TNNI3K: variants seen among roughly 807,000 people sequenced by gnomAD.
The protein encoded by TNNI3K is TNNI3 interacting kinase.
TNNI3K carries 140 observed loss-of-function variants against 114.5 expected under a neutral mutation model. The ratio of observed to expected loss-of-function variants is 1.22; its 90% CI spans 1.07 to 1.41. The LOEUF is 1.41. Ranked by LOEUF, TNNI3K falls within the 40% of genes most tolerant of loss-of-function variation. The pLI, the probability that TNNI3K is intolerant of heterozygous loss-of-function variation, is 0.00. For missense variants in TNNI3K, 1,125 were observed against 1,007.6 expected, an observed-to-expected ratio of 1.12 and a Z score of -1.58; for synonymous variants, 347 against 347.5, an observed-to-expected ratio of 1.00 and a Z score of 0.02.
chr1:74,544,308 A>G lies in TNNI3K; in HGVS notation c.*326A>G. 4.3e-6 allele frequency: 1 copy of G among 231,912 alleles called. No homozygotes were observed. Among genetic ancestry groups the G allele is most frequent in the Non-Finnish European group, 8.2e-6 (1 of 121,662 alleles). The allele number at this position is 231,912 out of a possible 1,614,324, so 14.4% of individuals were successfully genotyped here. ...TAATTATGTTTTCCTGGGCTGAATT[A>G]TGTAGACTTGTGTTTGACAGCTATG... On this transcript the variant is annotated 3_prime_UTR_variant, in exon 25 of 25. Coordinates refer to ENST00000326637, the MANE Select transcript of TNNI3K (RefSeq NM_015978.3).
chr1:74,516,957 A>T (rs1386864669), intron 23 of TNNI3K, among the ~76,000 whole-genome samples: 2 of 152,194 alleles, frequency 1.3e-5, no homozygotes, highest in African/African-American at 4.8e-5. Flanking sequence ...GAAGTCTAAA[A>T]GAAATATTTA....
At chr1:74,368,965 C>A in intron 13 of TNNI3K, 57 bp from the exon 14 acceptor site, 4 of 1,345,476 alleles carry the variant, frequency 3.0e-6, no homozygotes, top group Non-Finnish European at 3.1e-6. Flanking sequence ...CACATGTATA[C>A]ACATCCATGT....
chr1:74,539,164 G>T lies in TNNI3K; in HGVS notation c.2352-1070G>T, dbSNP rs115737883. ...GGCTGGAGAGAGATGGATAGTTTAG[G>T]ATTATATTTTGGAGGCAGAGCTAAA... is the stretch of plus-strand genomic sequence containing the variant. On this transcript the variant is annotated intron_variant, in intron 23 of 24. Transcript: ENST00000326637. Among the ~76,000 whole-genome samples the T allele has an allele frequency of 7.6e-3, 1,155 of 152,252 alleles. 17 individuals are homozygous for T. Among genetic ancestry groups the T allele is most frequent in the African/African-American group, 0.027 (1,121 of 41,548 alleles).
intron 20 of TNNI3K, among the ~76,000 whole-genome samples, chr1:74,452,151 ACT>A (rs1667054538): frequency 6.6e-6 from 1 of 152,032 alleles, no homozygotes; most frequent in Non-Finnish European, 1.5e-5. Flanking sequence ...CACTTTCTGC[ACT>A]CTCAGTATGT....
chr1:74,385,965 G>A (rs184344091), intron 17 of TNNI3K, among the ~76,000 whole-genome samples: 18 of 152,316 alleles, frequency 1.2e-4, no homozygotes, highest in East Asian at 7.7e-4. Flanking sequence ...CCCATGTGTC[G>A]TGGGAGGGAC....
intron 17 of TNNI3K, among the ~76,000 whole-genome samples, chr1:74,428,508 G>T (rs1665740744): frequency 6.6e-6 from 1 of 152,110 alleles, no homozygotes; most frequent in Non-Finnish European, 1.5e-5. Context: ...AAGGAGGGGA[G>T]TGCCCTGATA....
chr1:74,446,244 A>G (rs1666667463), intron 20 of TNNI3K, among the ~76,000 whole-genome samples: 1 of 151,472 alleles, frequency 6.6e-6, no homozygotes, highest in Non-Finnish European at 1.5e-5. Flanking sequence ...AACTGGTGTG[A>G]GATGGTATCT....
chr1:74,343,138 T>C lies in TNNI3K; in HGVS notation c.891T>C (p.Ser297=), dbSNP rs759201029. ...KEIIQISGTE[S]LTKENIFSET... is the part of the protein sequence containing the mutation. ...TCATCCAAATATCAGGAACAGAAAG[T>C]CTGACTAAGGAAAACATCTTCAGTG... is the stretch of plus-strand genomic sequence containing the variant. Residue 297 remains serine (S), a synonymous_variant, in exon 9 of 25, where the codon AGT becomes AGC. Coordinates refer to ENST00000326637, the MANE Select transcript of TNNI3K (RefSeq NM_015978.3). 2 of 1,613,340 alleles carry C rather than the reference T, an allele frequency of 1.2e-6. No homozygotes were observed. Among genetic ancestry groups the C allele is most frequent in the African/African-American group, 1.3e-5 (1 of 75,000 alleles).
intron 4 of TNNI3K, among the ~76,000 whole-genome samples, chr1:74,267,206 A>T (rs759077177): frequency 1.1e-4 from 17 of 152,000 alleles, no homozygotes; most frequent in Non-Finnish European, 2.4e-4. Context: ...ATGAGATCAA[A>T]CTTAGAGTAT....
At chr1:74,483,187 A>C in intron 21 of TNNI3K, 1 of 698,956 alleles carries the variant, frequency 1.4e-6, no homozygotes, top group Non-Finnish European at 2.7e-6. Context: ...GAGAACAGTC[A>C]GTACAATGAA....
intron 23 of TNNI3K, among the ~76,000 whole-genome samples, 177 bp from the exon 24 acceptor site, chr1:74,540,057 A>G (rs1276892870): frequency 2.0e-5 from 3 of 152,302 alleles, no homozygotes; most frequent in East Asian, 3.9e-4. Flanking sequence ...ACACTTGGAT[A>G]TGACTTAAAC....
At position 74,399,798 on chromosome 1, in the gene TNNI3K, T is replaced by A. The variant is rs1664271325; in HGVS notation, c.1772+29406T>A. Among the ~76,000 whole-genome samples, 3 of 152,154 alleles carry A rather than the reference T, an allele frequency of 2.0e-5. No individual in the cohort carries two copies. In the South Asian group the frequency reaches 6.2e-4, roughly 31 times the overall value. ...CAAGAGTGAGAGGGTTCACAATTAT[T>A]GGATGGAGCACAATAGAAAAAGAAT... On this transcript the variant is annotated intron_variant, in intron 17 of 24. Coordinates refer to ENST00000326637, the MANE Select transcript of TNNI3K (RefSeq NM_015978.3).
At chr1:74,333,702 G>A (rs1301530499) in intron 6 of TNNI3K, among the ~76,000 whole-genome samples, 1 of 152,084 alleles carries the variant, frequency 6.6e-6, no homozygotes, top group African/African-American at 2.4e-5. Flanking sequence ...ATATATAAAT[G>A]TACCTAATGT....
chr1:74,458,622 A>G (rs1414032314), intron 20 of TNNI3K, among the ~76,000 whole-genome samples: 1 of 152,220 alleles, frequency 6.6e-6, no homozygotes, highest in Non-Finnish European at 1.5e-5. Flanking sequence ...TTCTCTAAAC[A>G]TAATAATGAA....
intron 17 of TNNI3K, among the ~76,000 whole-genome samples, chr1:74,430,562 A>G (rs1172207969): frequency 1.3e-5 from 2 of 152,150 alleles, no homozygotes; most frequent in African/African-American, 2.4e-5. Context: ...TTCTATTCAC[A>G]TCGCTTATTC....
chr1:74,453,575 A>G (rs1667112865), intron 20 of TNNI3K, among the ~76,000 whole-genome samples: 1 of 152,200 alleles, frequency 6.6e-6, no homozygotes, highest in Admixed American at 6.5e-5. Context: ...AAAAATATAA[A>G]CAAAGAACAC....
rs181966596 is a variant in TNNI3K at position 74,516,175 on chromosome 1, T to C, written c.2351+23909T>C. Among the ~76,000 whole-genome samples the C allele has an allele frequency of 1.3e-4, 20 of 152,324 alleles. No individual in the cohort carries two copies. In the East Asian group the frequency reaches 3.1e-3, roughly 24 times the overall value. Reference sequence around the variant, plus strand: ...TGGTATTTCAAAATTTTTAAAAATATGGTCATTTATTTCTGTTCTGAAATT... The same window carrying C: ...TGGTATTTCAAAATTTTTAAAAATACGGTCATTTATTTCTGTTCTGAAATT... On this transcript the variant is annotated intron_variant, in intron 23 of 24. Transcript: ENST00000326637.
At chr1:74,343,381 G>A (rs1026377460) in intron 9 of TNNI3K, among the ~76,000 whole-genome samples, 1 of 152,192 alleles carries the variant, frequency 6.6e-6, no homozygotes, top group Non-Finnish European at 1.5e-5. Flanking sequence ...TACAACAGAT[G>A]GGGCCGGAGC....
At chr1:74,396,128 C>A (rs542643199) in intron 17 of TNNI3K, among the ~76,000 whole-genome samples, 2 of 152,200 alleles carry the variant, frequency 1.3e-5, no homozygotes, top group Non-Finnish European at 2.9e-5. Flanking sequence ...GATCCCCTAA[C>A]ATGCTTGCCC....
Sources: allele counts gnomAD v4.1 joint callset (sites outside exome capture counted in the v4.1 genomes callset), GRCh38; gene constraint gnomAD v4.1.1; transcripts MANE v1.5; gene names NCBI Gene and HGNC (gene_info 2026-07-23, HGNC 2026-07-21).